ATP8A2: variants seen among roughly 807,000 people sequenced by gnomAD.
The protein encoded by ATP8A2 is ATPase phospholipid transporting 8A2, also known as phospholipid-transporting ATPase IB.
Under a neutral mutation model 165.6 loss-of-function variants are expected in ATP8A2, and 100 were observed. The observed-to-expected ratio is 0.60, with a 90% CI of 0.51 to 0.71. ATP8A2 has a LOEUF of 0.71. ATP8A2 is among the 30% of genes least tolerant of loss of function. The probability of loss-of-function intolerance (pLI) is 0.00; values close to 1 mark genes in which losing one functional copy is unlikely to be tolerated. For missense variants in ATP8A2, 1,227 were observed against 1,479.5 expected (o/e 0.83, Z 2.80); for synonymous variants, 543 against 548.8 (o/e 0.99, Z 0.15).
At chr13:25,891,935 T>TGA (rs981680286) in intron 33 of ATP8A2, among the ~76,000 whole-genome samples, 1 of 152,146 alleles carries the variant, frequency 6.6e-6, no homozygotes, top group African/African-American at 2.4e-5. Context: ...TGCTTGATTT[T>TGA]GAGGCTTCAT....
intron 27 of ATP8A2, among the ~76,000 whole-genome samples, chr13:25,812,976 G>T (rs1031666358): frequency 1.3e-5 from 2 of 152,034 alleles, no homozygotes; most frequent in Admixed American, 6.6e-5. Flanking sequence ...AACTAACGCA[G>T]AAACAGAAGA....
intron 1 of ATP8A2, among the ~76,000 whole-genome samples, chr13:25,408,266 G>A (rs1356940573): frequency 3.3e-5 from 5 of 151,986 alleles, no homozygotes; most frequent in South Asian, 2.1e-4. Context: ...GGTGGCTCCC[G>A]CCTGTAGTCC....
chr13:25,498,586 A>ACCCTACCT (rs2036752239), intron 2 of ATP8A2, among the ~76,000 whole-genome samples: 2 of 152,148 alleles, frequency 1.3e-5, no homozygotes, highest in Admixed American at 6.5e-5. Context: ...TCCTGTTAAT[A>ACCCTACCT]CCCTACCTCG....
At chr13:25,411,654 A>G (rs1044029275) in intron 1 of ATP8A2, among the ~76,000 whole-genome samples, 1 of 152,192 alleles carries the variant, frequency 6.6e-6, no homozygotes, top group South Asian at 2.1e-4. Flanking sequence ...AAAATACTGC[A>G]TAATTCCATT....
chr13:25,714,613 CA>C (rs892778604), intron 25 of ATP8A2, among the ~76,000 whole-genome samples: 5 of 152,176 alleles, frequency 3.3e-5, no homozygotes, highest in African/African-American at 1.2e-4. Flanking sequence ...AATGAACACT[CA>C]ATAAATATTG....
At chr13:25,868,874 T>A (rs1467995047) in intron 33 of ATP8A2, among the ~76,000 whole-genome samples, 1 of 151,890 alleles carries the variant, frequency 6.6e-6, no homozygotes, top group African/African-American at 2.4e-5. Context: ...TAGAGACCAC[T>A]CTGGCTAACA....
At chr13:25,830,284 ATTAT>A (rs1203355087) in intron 28 of ATP8A2, among the ~76,000 whole-genome samples, 1 of 152,126 alleles carries the variant, frequency 6.6e-6, no homozygotes. Flanking sequence ...AAGTGGTAGG[ATTAT>A]AGTCATGAGC....
At chr13:25,863,957 T>C (rs1440471302) in intron 33 of ATP8A2, among the ~76,000 whole-genome samples, 2 of 152,206 alleles carry the variant, frequency 1.3e-5, no homozygotes, top group Non-Finnish European at 2.9e-5. Flanking sequence ...TGTAGCAAAA[T>C]GAGCATTTTC....
chr13:25,659,655 T>C (rs1024343100), intron 24 of ATP8A2, among the ~76,000 whole-genome samples: 13 of 152,188 alleles, frequency 8.5e-5, no homozygotes, highest in African/African-American at 3.1e-4. Context: ...TTTATCAGGA[T>C]GGTGGGGGAA....
intron 2 of ATP8A2, among the ~76,000 whole-genome samples, chr13:25,492,956 T>A (rs187114469): frequency 2.1e-3 from 325 of 152,306 alleles, no homozygotes; most frequent in South Asian, 3.9e-3. Context: ...TTATTCCAGG[T>A]TTCCCTTTGT....
chr13:25,484,994 A>T (rs534440630), intron 2 of ATP8A2, among the ~76,000 whole-genome samples: 2 of 152,202 alleles, frequency 1.3e-5, no homozygotes, highest in Non-Finnish European at 2.9e-5. Flanking sequence ...ATAGTATCAC[A>T]ATTATTTCTC....
chr13:25,741,863 A>G (rs2043920411), intron 25 of ATP8A2, among the ~76,000 whole-genome samples: 1 of 152,184 alleles, frequency 6.6e-6, no homozygotes, highest in African/African-American at 2.4e-5. Flanking sequence ...CTCTTGAGAT[A>G]CCTGAGCCTG....
chr13:25,565,484 GTTGAGCA>G (rs1220333090), intron 16 of ATP8A2, among the ~76,000 whole-genome samples: 4 of 152,202 alleles, frequency 2.6e-5, no homozygotes, highest in Non-Finnish European at 5.9e-5. Context: ...CATCAGTGAT[GTTGAGCA>G]TTTTGTCATA....
intron 33 of ATP8A2, among the ~76,000 whole-genome samples, chr13:25,880,026 G>C (rs998557312): frequency 6.6e-6 from 1 of 152,212 alleles, no homozygotes; most frequent in African/African-American, 2.4e-5. Flanking sequence ...AAAAAGGTAG[G>C]TGGTGAAGAA....
chr13:25,892,730 T>C (rs9553668), intron 33 of ATP8A2, among the ~76,000 whole-genome samples: 9,225 of 152,026 alleles, frequency 0.061, 424 homozygotes, highest in East Asian at 0.18. Flanking sequence ...CATAGCCTAT[T>C]TGATGACGTC....
chr13:25,898,467 G>A (rs1953634010), intron 33 of ATP8A2, among the ~76,000 whole-genome samples: 1 of 152,192 alleles, frequency 6.6e-6, no homozygotes, highest in Admixed American at 6.5e-5. Flanking sequence ...AGGCTACTCG[G>A]GGGTCAGGGA....
chr13:25,718,941 A>G (rs2043312924), intron 25 of ATP8A2, among the ~76,000 whole-genome samples: 1 of 152,170 alleles, frequency 6.6e-6, no homozygotes, highest in Non-Finnish European at 1.5e-5. Context: ...TTGATGTGTA[A>G]GAACATACGC....
intron 24 of ATP8A2, among the ~76,000 whole-genome samples, chr13:25,638,337 G>A (rs1296765459): frequency 5.3e-5 from 8 of 152,142 alleles, no homozygotes; most frequent in African/African-American, 1.2e-4. Context: ...TGAACCCATC[G>A]CACAGAAGCT....
intron 1 of ATP8A2, among the ~76,000 whole-genome samples, chr13:25,435,310 G>A (rs1365519320): frequency 6.6e-6 from 1 of 151,820 alleles, no homozygotes; most frequent in African/African-American, 2.4e-5. Context: ...TAGTAGAGAC[G>A]GGGTTTCACC....
Sources: gnomAD v4.1 joint callset for allele counts (sites outside exome capture counted in the v4.1 genomes callset) on GRCh38, gnomAD v4.1.1 for gene constraint, MANE v1.5 for transcripts, NCBI Gene and HGNC (gene_info 2026-07-23, HGNC 2026-07-21) for gene names.